NCS1: variants seen among roughly 807,000 people sequenced by gnomAD.
The protein encoded by NCS1 is neuronal calcium sensor 1, also known as frequenin homolog.
A neutral mutation model predicts 28.4 loss-of-function variants in NCS1; 6 were observed. That is an observed-to-expected ratio of 0.21 (90% confidence interval 0.12 to 0.42). The LOEUF (loss-of-function observed/expected upper bound fraction) is 0.42, where lower values mean the gene tolerates loss of function less well. Ranked by LOEUF, NCS1 falls within the 10% of genes least tolerant of loss-of-function variation. NCS1 has a pLI of 1.00. For missense variants in NCS1, 131 were observed against 241.4 expected (o/e 0.54, Z 3.03); for synonymous variants, 86 against 99.3 (o/e 0.87, Z 0.79).
intron 1 of NCS1, among the ~76,000 whole-genome samples, chr9:130,173,390 G>T (rs1554904314): frequency 6.6e-6 from 1 of 152,196 alleles, no homozygotes; most frequent in Non-Finnish European, 1.5e-5. Flanking sequence ...GCTGTCGCGG[G>T]CTGCCCGGAG....
rs1231191236 is a variant in NCS1, at chr9:130,177,635, T to C, written c.64+4908T>C. The stretch of plus-strand genomic sequence containing the variant: ...TGGGCAAGAAACATCACCTGTGTTA[T>C]TAGGAGAGGACTCGATCCCCTGCGG... On this transcript the variant is annotated intron_variant, in intron 1 of 7. Transcript: ENST00000372398. This position sits in a 1 kb window ranked among gnomAD's most constrained non-coding sequence, Gnocchi z 4.4. 6.7e-6 allele frequency among the ~76,000 whole-genome samples: 1 copy of C among 149,330 alleles called. No individual in the cohort carries two copies. Among genetic ancestry groups the C allele is most frequent in the Non-Finnish European group, 1.5e-5 (1 of 68,008 alleles).
At chr9:130,218,200 CAT>C (rs1554909669) in intron 3 of NCS1, among the ~76,000 whole-genome samples, 1 of 152,248 alleles carries the variant, frequency 6.6e-6, no homozygotes, top group African/African-American at 2.4e-5. Context: ...TGTGTGCACA[CAT>C]ATGTACACCC....
chr9:130,183,690 T>C (rs573564052), intron 1 of NCS1, among the ~76,000 whole-genome samples: 7 of 151,688 alleles, frequency 4.6e-5, no homozygotes, highest in Non-Finnish European at 8.8e-5. Flanking sequence ...TTCCTTCCTT[T>C]CTTTCTTTTT....
At chr9:130,216,319 C>T (rs550666475) in intron 2 of NCS1, among the ~76,000 whole-genome samples, 3 of 152,310 alleles carry the variant, frequency 2.0e-5, no homozygotes, top group East Asian at 1.9e-4. Context: ...CTCTGAGCGT[C>T]GGCCTCTTCA....
chr9:130,209,674 G>T lies in NCS1; in HGVS notation c.90-8158G>T, dbSNP rs1205719686. The stretch of plus-strand genomic sequence containing the variant: ...GTGTGGGAGGAGACCCAGCGCTGGC[G>T]TGGGAACTGTTTTGCAAGTGGTAGT... On this transcript the variant is annotated intron_variant, in intron 2 of 7. Coordinates refer to ENST00000372398, the MANE Select transcript of NCS1 (RefSeq NM_014286.4). The surrounding 1 kb of genome is among the most constrained non-coding windows in gnomAD (Gnocchi z 4.4). Among the ~76,000 whole-genome samples, 1 of 152,214 alleles carries T rather than the reference G, an allele frequency of 6.6e-6. No homozygotes were observed. Among genetic ancestry groups the T allele is most frequent in the Non-Finnish European group, 1.5e-5 (1 of 68,040 alleles).
Position 130,218,440 on chromosome 9 carries a change from G to A in NCS1, c.228+470G>A, listed in dbSNP as rs576725384. 1.1e-4 allele frequency among the ~76,000 whole-genome samples: 16 copies of A among 152,326 alleles called. No individual in the cohort carries two copies. In the East Asian group the frequency reaches 1.5e-3, roughly 15 times the overall value. Reference sequence around the variant, plus strand: ...GAGAGACATATACACATATGCATATGTATACAGTGCACAACACACATGCAT... The same window carrying A: ...GAGAGACATATACACATATGCATATATATACAGTGCACAACACACATGCAT... On this transcript the variant is annotated intron_variant, in intron 3 of 7. Transcript: ENST00000372398.
chr9:130,224,188 C>T (rs1746365215), intron 6 of NCS1, among the ~76,000 whole-genome samples: 1 of 147,984 alleles, frequency 6.8e-6, no homozygotes, highest in African/African-American at 2.5e-5. Context: ...GGTGTGGTGG[C>T]TCACACCTGT....
At chr9:130,222,563 T>A in intron 4 of NCS1, 87 bp from the exon 5 acceptor site, 3 of 1,101,988 alleles carry the variant, frequency 2.7e-6, no homozygotes, top group Non-Finnish European at 1.4e-6. Flanking sequence ...GCTGACTTCA[T>A]GTTGGGGTAC....
intron 1 of NCS1, among the ~76,000 whole-genome samples, chr9:130,195,885 A>T (rs1285054671): frequency 6.6e-6 from 1 of 152,210 alleles, no homozygotes; most frequent in Non-Finnish European, 1.5e-5. Flanking sequence ...CTGTGCAAGG[A>T]CTGCCTGCGT....
intron 4 of NCS1, 24 bp from the exon 5 acceptor site, chr9:130,222,626 C>G (rs782159004): frequency 6.2e-7 from 1 of 1,609,644 alleles, no homozygotes; most frequent in Non-Finnish European, 8.5e-7. Flanking sequence ...CCCAGGATCA[C>G]TCAGCAGTGC....
intron 5 of NCS1, 58 bp from the exon 6 acceptor site, chr9:130,223,024 G>T: frequency 6.7e-7 from 1 of 1,484,306 alleles, no homozygotes; most frequent in Non-Finnish European, 9.4e-7. Flanking sequence ...CAAATGCGTG[G>T]CCAAGAGCCC....
intron 2 of NCS1, among the ~76,000 whole-genome samples, chr9:130,204,216 T>G (rs1554907808): frequency 2.6e-5 from 4 of 152,052 alleles, no homozygotes; most frequent in African/African-American, 4.8e-5. Flanking sequence ...AGGCTGGTCT[T>G]GAACTCCTGA....
At chr9:130,190,433 C>T (rs953620023) in intron 1 of NCS1, among the ~76,000 whole-genome samples, 6 of 152,160 alleles carry the variant, frequency 3.9e-5, no homozygotes, top group African/African-American at 1.4e-4. Flanking sequence ...TAGGTTTTAT[C>T]GCCCTTAGTT....
chr9:130,201,113 A>G (rs1832941869), intron 2 of NCS1, 131 bp downstream of exon 2: 10 of 1,239,514 alleles, frequency 8.1e-6, no homozygotes, highest in Non-Finnish European at 1.2e-5. Context: ...CGTGGGGTCC[A>G]GACAGCCTTT....
chr9:130,215,726 G>A lies in NCS1; in HGVS notation c.90-2106G>A, dbSNP rs930834759. Among the ~76,000 whole-genome samples, 6 of 152,272 alleles carry A rather than the reference G, an allele frequency of 3.9e-5. No individual in the cohort carries two copies. Among genetic ancestry groups the A allele is most frequent in the Middle Eastern group, 3.4e-3 (1 of 294 alleles). ...GCTGCTATTATGGGCTGTTACAAAG[G>A]CCTGTGGTTCCTGAGCCAGGACCTA... On this transcript the variant is annotated intron_variant, in intron 2 of 7. Transcript: ENST00000372398. The surrounding 1 kb of genome is among the most constrained non-coding windows in gnomAD (Gnocchi z 4.2).
At chr9:130,189,879 A>ATATATATATATAT (rs1207119695) in intron 1 of NCS1, among the ~76,000 whole-genome samples, 5 of 37,750 alleles carry the variant, frequency 1.3e-4, no homozygotes, top group African/African-American at 5.8e-4. Flanking sequence ...AAAAAAAAAA[A>ATATATATATATAT]ATATATATAT....
rs34473694 is a variant in NCS1, at chr9:130,174,790, CAA to C, written c.64+2079_64+2080del. On this transcript the variant is annotated intron_variant, in intron 1 of 7. Coordinates refer to ENST00000372398, the MANE Select transcript of NCS1 (RefSeq NM_014286.4). Reference sequence around the variant, plus strand: ...TGCTCCAAGAGGGAAACTCTGTCTCCAAAAAAAAAAAAAAAAAGCTCTGCTGG... The same window carrying C: ...TGCTCCAAGAGGGAAACTCTGTCTCCAAAAAAAAAAAAAAAGCTCTGCTGG... Among the ~76,000 whole-genome samples, 21 of 91,560 alleles carry C rather than the reference CAA, an allele frequency of 2.3e-4. 1 individual carries two copies. Among genetic ancestry groups the C allele is most frequent in the South Asian group, 1.2e-3 (3 of 2,584 alleles). 60.1% of individuals were successfully genotyped at this position (91,560 alleles called of 152,430 possible). A position where few individuals can be genotyped will look rare whatever the true frequency, so the allele number is the denominator to read the frequency against.
chr9:130,185,831 C>G (rs1303641889), intron 1 of NCS1, among the ~76,000 whole-genome samples: 4 of 152,286 alleles, frequency 2.6e-5, no homozygotes, highest in South Asian at 2.1e-4. Context: ...GCAGCCCACA[C>G]AGCCTTGCCG....
rs1554911395 is a variant in NCS1 at position 130,226,467 on chromosome 9, C to T, written c.553C>T (p.Leu185Phe). ...ADPSIVQALS[L>F]YDGLV Reference sequence around the variant, plus strand: ...CCCGTCCATTGTGCAGGCGCTGTCCCTCTACGACGGGCTGGTATAGTCCCA... The same window carrying T: ...CCCGTCCATTGTGCAGGCGCTGTCCTTCTACGACGGGCTGGTATAGTCCCA... The change falls in exon 7 of 8, where the codon CTC becomes TTC. Residue 185 changes from leucine to phenylalanine, a missense_variant. Physicochemically the swap from Leu to Phe is conservative, Grantham distance 22. Transcript: ENST00000372398. This position sits in a 1 kb window ranked among gnomAD's most constrained non-coding sequence, Gnocchi z 4.8. The T allele has an allele frequency of 6.2e-7, 1 of 1,613,858 alleles. No individual in the cohort carries two copies. Among genetic ancestry groups the T allele is most frequent in the Non-Finnish European group, 8.5e-7 (1 of 1,179,890 alleles).
Sources: gnomAD v4.1 joint callset for allele counts (sites outside exome capture counted in the v4.1 genomes callset) on GRCh38, gnomAD v4.1.1 for gene constraint, Gnocchi (gnomAD v3.1) non-coding constraint, MANE v1.5 for transcripts, NCBI Gene and HGNC (gene_info 2026-07-23, HGNC 2026-07-21) for gene names.